The following SASH1 variants were observed in gnomAD, a reference collection of about 807,000 sequenced individuals.
SASH1 encodes SAM and SH3 domain-containing protein 1.
Under a neutral mutation model 125.2 loss-of-function variants are expected in SASH1, and 44 were observed. That is an observed-to-expected ratio of 0.35 (90% CI 0.28 to 0.45). The LOEUF is 0.45. Ranked by LOEUF, SASH1 falls within the 20% of genes least tolerant of loss-of-function variation. SASH1 has a pLI of 1.00. For missense variants in SASH1, 1,426 were observed against 1,614.5 expected (o/e 0.88, Z 2.00); for synonymous variants, 639 against 649.1 (o/e 0.98, Z 0.24).
At chr6:148,318,688 G>A (rs1780548326) in intron 1 of SASH1, among the ~76,000 whole-genome samples, 1 of 144,314 alleles carries the variant, frequency 6.9e-6, no homozygotes, top group Admixed American at 7.3e-5. Flanking sequence ...GAGTAGCTCG[G>A]ACTACAGGCG....
intron 1 of SASH1, among the ~76,000 whole-genome samples, chr6:148,333,936 C>T (rs867705706): frequency 2.6e-5 from 4 of 151,898 alleles, no homozygotes; most frequent in Admixed American, 2.6e-4. Flanking sequence ...AATTCTCCTG[C>T]CTCAACCTCT....
chr6:148,296,584 C>G (rs1171835225), intron 1 of SASH1, among the ~76,000 whole-genome samples: 1 of 152,178 alleles, frequency 6.6e-6, no homozygotes, highest in African/African-American at 2.4e-5. Flanking sequence ...GATGAGAAAA[C>G]TAAGGCTCAA....
At chr6:148,528,563 G>A (rs1781328722) in intron 12 of SASH1, among the ~76,000 whole-genome samples, 1 of 152,170 alleles carries the variant, frequency 6.6e-6, no homozygotes, top group South Asian at 2.1e-4. Flanking sequence ...CTGCACAGCA[G>A]CTTCAGTTGA....
chr6:148,224,505 T>C, the SASH1 span, among the ~76,000 whole-genome samples: 7 of 152,018 alleles, frequency 4.6e-5, no homozygotes, highest in East Asian at 1.4e-3. Context: ...GGATTACAGG[T>C]GCCTGCCACC....
intron 1 of SASH1, among the ~76,000 whole-genome samples, chr6:148,359,907 C>T (rs1782123067): frequency 6.6e-6 from 1 of 151,986 alleles, no homozygotes; most frequent in African/African-American, 2.4e-5. Context: ...TACAGGTGCC[C>T]GCCACCATGC....
chr6:148,304,948 G>A (rs903105230), intron 1 of SASH1, among the ~76,000 whole-genome samples: 17 of 151,914 alleles, frequency 1.1e-4, no homozygotes, highest in Middle Eastern at 3.5e-3. Flanking sequence ...CCAGAATCGC[G>A]TGAACCCAGG....
At chr6:148,473,954 A>G (rs1165522805) in intron 6 of SASH1, among the ~76,000 whole-genome samples, 156 bp from the exon 7 acceptor site, 1 of 152,200 alleles carries the variant, frequency 6.6e-6, no homozygotes, top group Non-Finnish European at 1.5e-5. Context: ...AAAAAGCAGC[A>G]TATTTTTGCC....
intron 1 of SASH1, among the ~76,000 whole-genome samples, chr6:148,307,964 G>T (rs1326151219): frequency 6.6e-6 from 1 of 152,106 alleles, no homozygotes; most frequent in Non-Finnish European, 1.5e-5. Flanking sequence ...GAGATCTATG[G>T]TAATATGAGG....
At chr6:148,445,854 G>T (rs1188617569) in intron 4 of SASH1, among the ~76,000 whole-genome samples, 1 of 152,116 alleles carries the variant, frequency 6.6e-6, no homozygotes, top group Non-Finnish European at 1.5e-5. Flanking sequence ...GTTGTAGAAG[G>T]CTCCCTTCAG....
chr6:148,308,437 C>T (rs1433570485), intron 1 of SASH1, among the ~76,000 whole-genome samples: 8 of 150,828 alleles, frequency 5.3e-5, no homozygotes, highest in African/African-American at 2.0e-4. Context: ...CTCTGGTTGC[C>T]CAGGCTGGAG....
At chr6:148,268,381 A>G (rs1003363950), upstream of SASH1, among the ~76,000 whole-genome samples, 3 of 152,362 alleles carry the variant, frequency 2.0e-5, no homozygotes, top group Non-Finnish European at 2.9e-5. Context: ...CTTGAAGCTC[A>G]CATGGGAAAG....
At position 148,544,201 on chromosome 6, in the gene SASH1, C is replaced by A. The variant is rs1461373177; in HGVS notation, c.2731C>A (p.Leu911Met). The change falls in exon 18 of 20, where the codon CTG becomes ATG. Residue 911 changes from leucine to methionine, a missense_variant. By Grantham distance (15) the Leu-to-Met change is conservative (BLOSUM62 2). Transcript: ENST00000367467. This position sits in a 1 kb window ranked among gnomAD's most constrained non-coding sequence, Gnocchi z 6.4. ...ACCTCAGAAATTGACAACTAAGAAACTGGAGGGCTCAATCGCAGCCTCTGG... is the reference window on the plus strand; with the variant it reads ...ACCTCAGAAATTGACAACTAAGAAAATGGAGGGCTCAATCGCAGCCTCTGG... ...SEPQKLTTKK[L>M]EGSIAASGRG... 6.2e-7 allele frequency: 1 copy of A among 1,614,166 alleles called. No individual in the cohort carries two copies.
the SASH1 span, among the ~76,000 whole-genome samples, chr6:148,228,810 A>T: frequency 2.6e-5 from 4 of 152,196 alleles, no homozygotes; most frequent in African/African-American, 9.6e-5. Flanking sequence ...AGGTAGAAAT[A>T]GAGACTACAC....
chr6:148,265,438 C>T, the SASH1 span, among the ~76,000 whole-genome samples: 4 of 152,182 alleles, frequency 2.6e-5, no homozygotes, highest in African/African-American at 9.7e-5. Context: ...ATCTTTCACT[C>T]TCTTTTTAGC....
chr6:148,330,178 A>G (rs1260184220), intron 1 of SASH1, among the ~76,000 whole-genome samples: 1 of 152,226 alleles, frequency 6.6e-6, no homozygotes, highest in Non-Finnish European at 1.5e-5. Context: ...ATACTCATGC[A>G]AATGTCATTA....
At position 148,548,513 on chromosome 6, in the gene SASH1, T is replaced by C; in HGVS notation, c.3699T>C (p.Ser1233=). 1.2e-6 allele frequency: 2 copies of C among 1,613,612 alleles called. No individual in the cohort carries two copies. The highest frequency in any genetic ancestry group is 1.7e-6 in the Non-Finnish European group (2 of 1,179,716). Residue 1233 remains serine (S), a synonymous_variant, in exon 20 of 20, where the codon TCT becomes TCC. Coordinates refer to ENST00000367467, the MANE Select transcript of SASH1 (RefSeq NM_015278.5). The part of the protein sequence containing the change: ...TEERHIRKLL[S]AARLFKLPPG... Reference sequence around the variant, plus strand: ...AGAGACACATAAGAAAGCTCCTATCTGCAGCCAGACTCTTCAAACTGCCGC... The same window carrying C: ...AGAGACACATAAGAAAGCTCCTATCCGCAGCCAGACTCTTCAAACTGCCGC...
chr6:148,270,543 G>A (rs1362379887), upstream of SASH1, among the ~76,000 whole-genome samples: 1 of 152,140 alleles, frequency 6.6e-6, no homozygotes, highest in Non-Finnish European at 1.5e-5. Flanking sequence ...ACATAAGGTA[G>A]TGGGTTTCTT....
chr6:148,417,486 G>A (rs560153346), intron 2 of SASH1, among the ~76,000 whole-genome samples: 67 of 152,298 alleles, frequency 4.4e-4, no homozygotes, highest in Admixed American at 1.2e-3. Context: ...TCGAGAGGCT[G>A]AGACAGGAGA....
upstream of SASH1, among the ~76,000 whole-genome samples, chr6:148,341,657 GAAAAC>G (rs536485001): frequency 9.3e-4 from 141 of 150,902 alleles, no homozygotes; most frequent in African/African-American, 2.3e-3. Flanking sequence ...GACTCAGAAG[GAAAAC>G]AAAACAAAAC....
Sources: gnomAD v4.1 joint callset for allele counts (sites outside exome capture counted in the v4.1 genomes callset) on GRCh38, gnomAD v4.1.1 for gene constraint, Gnocchi (gnomAD v3.1) non-coding constraint, MANE v1.5 for transcripts, NCBI Gene and HGNC (gene_info 2026-07-23, HGNC 2026-07-21) for gene names.